Variants in NLK observed in about 807,000 individuals in gnomAD.
The protein encoded by NLK is serine/threonine-protein kinase NLK.
A neutral mutation model predicts 59.0 loss-of-function variants in NLK; 11 were observed. The ratio of observed to expected loss-of-function variants is 0.19; its 90% CI spans 0.12 to 0.31. NLK has a LOEUF of 0.31. Ranked by LOEUF, NLK falls within the 10% of genes least tolerant of loss-of-function variation. The probability of loss-of-function intolerance (pLI) is 1.00; values close to 1 mark genes in which losing one functional copy is unlikely to be tolerated. For missense variants in NLK, 410 were observed against 661.1 expected (o/e 0.62, Z 4.16); for synonymous variants, 235 against 235.9 (o/e 1.00, Z 0.03).
intron 1 of NLK, among the ~76,000 whole-genome samples, chr17:28,090,975 G>A (rs1031827433): frequency 6.6e-6 from 1 of 152,062 alleles, no homozygotes; most frequent in Admixed American, 6.5e-5. Context: ...TTGGGATTCA[G>A]TGAGTTTCTT....
chr17:28,080,636 A>G (rs2142765754), intron 1 of NLK, among the ~76,000 whole-genome samples: 1 of 152,314 alleles, frequency 6.6e-6, no homozygotes, highest in South Asian at 2.1e-4. Context: ...TGGGACCAAT[A>G]TCGCGTGTAG....
chr17:28,059,492 A>G (rs1414071893), intron 1 of NLK, among the ~76,000 whole-genome samples: 3 of 152,172 alleles, frequency 2.0e-5, no homozygotes. Context: ...GATCTATGTT[A>G]GAAAAATAGA....
intron 1 of NLK, among the ~76,000 whole-genome samples, chr17:28,064,538 T>C (rs1909766207): frequency 6.6e-6 from 1 of 152,170 alleles, no homozygotes; most frequent in African/African-American, 2.4e-5. Context: ...ATGAAGCAGG[T>C]AAGACAGACA....
chr17:28,135,948 C>T (rs1260687006), intron 3 of NLK, among the ~76,000 whole-genome samples: 2 of 152,144 alleles, frequency 1.3e-5, no homozygotes, highest in African/African-American at 2.4e-5. Context: ...ATTTCAAATA[C>T]TTACAAAACA....
Position 28,194,643 on chromosome 17 carries a change from A to G in NLK, c.*7A>G. 1 of 1,586,692 alleles carries G rather than the reference A, an allele frequency of 6.3e-7. No homozygotes were observed. Among genetic ancestry groups the G allele is most frequent in the Non-Finnish European group, 8.6e-7 (1 of 1,158,494 alleles). On this transcript the variant is annotated 3_prime_UTR_variant, in exon 11 of 11. Transcript: ENST00000407008. Reference sequence around the variant, plus strand: ...TCCTCTGGTGTGGGAGTGATGGTGGAAGATAATGTACTACTGAAGATGTAA... The same window carrying G: ...TCCTCTGGTGTGGGAGTGATGGTGGGAGATAATGTACTACTGAAGATGTAA...
chr17:28,045,113 A>G (rs1050467701), intron 1 of NLK, among the ~76,000 whole-genome samples: 17 of 152,162 alleles, frequency 1.1e-4, no homozygotes, highest in Admixed American at 5.9e-4. Context: ...AAGCCCACAT[A>G]TATTTGGTTT....
intron 1 of NLK, among the ~76,000 whole-genome samples, chr17:28,122,030 A>G (rs1474988176): frequency 1.3e-5 from 2 of 152,190 alleles, no homozygotes. Context: ...GGATGAGGTT[A>G]TCATTACTCG....
chr17:28,093,465 A>G (rs1352425352), intron 1 of NLK, among the ~76,000 whole-genome samples: 2 of 152,192 alleles, frequency 1.3e-5, no homozygotes, highest in Admixed American at 6.5e-5. Flanking sequence ...CAAGAGGAGT[A>G]ATTTATAATA....
intron 1 of NLK, among the ~76,000 whole-genome samples, chr17:28,071,553 G>A (rs1910008691): frequency 6.6e-6 from 1 of 151,244 alleles, no homozygotes; most frequent in Admixed American, 6.6e-5. Flanking sequence ...CACATGTTTA[G>A]TTTATCACTA....
chr17:28,095,069 T>C (rs1315056230), intron 1 of NLK, among the ~76,000 whole-genome samples: 1 of 152,090 alleles, frequency 6.6e-6, no homozygotes, highest in Non-Finnish European at 1.5e-5. Context: ...CAGAATAAAA[T>C]TAGAAGGAAA....
intron 1 of NLK, among the ~76,000 whole-genome samples, chr17:28,094,800 C>T (rs1425398749): frequency 6.6e-6 from 1 of 152,146 alleles, no homozygotes; most frequent in East Asian, 1.9e-4. Flanking sequence ...CCTCACATAA[C>T]CAGGCTTCAA....
intron 5 of NLK, among the ~76,000 whole-genome samples, chr17:28,163,920 A>C (rs907310270): frequency 6.6e-6 from 1 of 152,242 alleles, no homozygotes; most frequent in Non-Finnish European, 1.5e-5. Flanking sequence ...TATTAAAAGA[A>C]GTGCATATCA....
chr17:28,197,626 A>G (rs1243644797), downstream of NLK, among the ~76,000 whole-genome samples: 1 of 152,178 alleles, frequency 6.6e-6, no homozygotes, highest in Non-Finnish European at 1.5e-5. Context: ...CAGTGTGGAC[A>G]GGTAAGTTAG....
chr17:28,055,241 C>T (rs115121070), intron 1 of NLK, among the ~76,000 whole-genome samples: 1,546 of 151,950 alleles, frequency 0.01, 29 homozygotes, highest in African/African-American at 0.036. Context: ...TACACGCACA[C>T]GCCACCACTC....
chr17:28,125,490 C>G (rs1018663096), intron 2 of NLK, among the ~76,000 whole-genome samples: 1 of 152,134 alleles, frequency 6.6e-6, no homozygotes, highest in Admixed American at 6.5e-5. Context: ...GCATATAAAC[C>G]TGCTCAACAC....
chr17:28,064,833 G>A (rs1408804293), intron 1 of NLK, among the ~76,000 whole-genome samples: 1 of 152,172 alleles, frequency 6.6e-6, no homozygotes, highest in Non-Finnish European at 1.5e-5. Context: ...CTATAACATA[G>A]GGGTTATAAT....
intron 5 of NLK, among the ~76,000 whole-genome samples, chr17:28,164,050 A>T (rs1235503197): frequency 1.3e-5 from 2 of 152,198 alleles, no homozygotes; most frequent in African/African-American, 4.8e-5. Flanking sequence ...CAAGGTAGCA[A>T]AGTAAGAAGT....
rs1908345528 is a variant in NLK, at chr17:28,168,744, A to G, written c.1047+87A>G. ...TTGCACATGTGTCTTGGGCTTATTC[A>G]TTATACTGTCTAATTTGCTTTTAGG... is the stretch of plus-strand genomic sequence containing the variant. On this transcript the variant is annotated intron_variant, in intron 6 of 10. Transcript: ENST00000407008. 7.0e-6 allele frequency: 7 copies of G among 1,003,500 alleles called. No homozygotes were observed. The Admixed American group carries it at 1.5e-4, about 21-fold the overall frequency. 62.2% of individuals were successfully genotyped at this position (1,003,500 alleles called of 1,614,324 possible). A position where few individuals can be genotyped will look rare whatever the true frequency, so the allele number is the denominator to read the frequency against.
At chr17:28,057,829 A>G (rs992520437) in intron 1 of NLK, among the ~76,000 whole-genome samples, 1 of 152,188 alleles carries the variant, frequency 6.6e-6, no homozygotes, top group African/African-American at 2.4e-5. Flanking sequence ...TTGTTTCCCC[A>G]AGGGTAATGA....
Sources: gnomAD v4.1 joint callset for allele counts (sites outside exome capture counted in the v4.1 genomes callset) on GRCh38, gnomAD v4.1.1 for gene constraint, MANE v1.5 for transcripts, NCBI Gene and HGNC (gene_info 2026-07-23, HGNC 2026-07-21) for gene names.